The following UBE2E2 variants were observed in gnomAD, a reference collection of about 807,000 sequenced individuals.
The protein encoded by UBE2E2 is ubiquitin-conjugating enzyme E2 E2.
Under a neutral mutation model 24.7 loss-of-function variants are expected in UBE2E2, and 6 were observed. The observed-to-expected ratio is 0.24, with a 90% CI of 0.13 to 0.48. The LOEUF (loss-of-function observed/expected upper bound fraction) is 0.48. Ranked by LOEUF, UBE2E2 falls within the 20% of genes least tolerant of loss-of-function variation. The pLI is 0.99. For synonymous variants in UBE2E2, 104 were observed against 83.6 expected, an observed-to-expected ratio of 1.24 and a Z score of -1.33; for missense variants, 169 against 245.0, an observed-to-expected ratio of 0.69 and a Z score of 2.07.
chr3:23,238,317 G>C (rs11129112), intron 3 of UBE2E2, among the ~76,000 whole-genome samples: 10 of 152,032 alleles, frequency 6.6e-5, no homozygotes, highest in Middle Eastern at 3.4e-3. Flanking sequence ...AATTGAGCAA[G>C]TACCATTCCT....
At chr3:23,413,057 G>T (rs1248460792) in intron 3 of UBE2E2, among the ~76,000 whole-genome samples, 1 of 134,890 alleles carries the variant, frequency 7.4e-6, no homozygotes, top group South Asian at 2.7e-4. Flanking sequence ...GGGGTGGGGG[G>T]AGGGGGGAGG....
chr3:23,582,922 C>T (rs969720207), intron 5 of UBE2E2, among the ~76,000 whole-genome samples: 5 of 148,890 alleles, frequency 3.4e-5, no homozygotes, highest in Non-Finnish European at 7.4e-5. Flanking sequence ...TGCAGACTCT[C>T]TTTCATTTAA....
intron 3 of UBE2E2, among the ~76,000 whole-genome samples, chr3:23,375,454 G>T (rs1277647535): frequency 6.6e-6 from 1 of 152,140 alleles, no homozygotes; most frequent in East Asian, 1.9e-4. Context: ...AAAACACTTA[G>T]TCCTCATCCT....
At chr3:23,283,006 T>C (rs1698523397) in intron 3 of UBE2E2, among the ~76,000 whole-genome samples, 1 of 152,086 alleles carries the variant, frequency 6.6e-6, no homozygotes, top group Non-Finnish European at 1.5e-5. Flanking sequence ...TAATGATAAC[T>C]TTAGGAAATT....
At chr3:23,263,127 T>C (rs1366629492) in intron 3 of UBE2E2, among the ~76,000 whole-genome samples, 1 of 152,122 alleles carries the variant, frequency 6.6e-6, no homozygotes, top group African/African-American at 2.4e-5. Context: ...GAGCATGAGG[T>C]GATACAGCAA....
At chr3:23,445,246 T>C (rs898316340) in intron 3 of UBE2E2, among the ~76,000 whole-genome samples, 11 of 152,234 alleles carry the variant, frequency 7.2e-5, no homozygotes, top group African/African-American at 2.4e-4. Context: ...TTCACCTCAT[T>C]GTTGATATTA....
intron 3 of UBE2E2, among the ~76,000 whole-genome samples, chr3:23,273,426 G>A (rs896960355): frequency 1.5e-4 from 23 of 152,026 alleles, no homozygotes; most frequent in African/African-American, 5.3e-4. Context: ...AGCTACTTGG[G>A]AGGCTGAGGC....
intron 4 of UBE2E2, among the ~76,000 whole-genome samples, chr3:23,526,082 TA>T (rs1183857520): frequency 1.3e-5 from 2 of 152,218 alleles, no homozygotes; most frequent in African/African-American, 4.8e-5. Flanking sequence ...AGCGAGTTTT[TA>T]CCTTGATTGT....
intron 3 of UBE2E2, among the ~76,000 whole-genome samples, chr3:23,398,321 AAAC>A (rs1330611546): frequency 1.3e-5 from 2 of 151,568 alleles, no homozygotes; most frequent in East Asian, 3.9e-4. Context: ...TCAAAAAAAA[AAAC>A]AAAAAAAAAC....
At chr3:23,584,377 C>A (rs1485966301) in intron 5 of UBE2E2, among the ~76,000 whole-genome samples, 1 of 151,976 alleles carries the variant, frequency 6.6e-6, no homozygotes, top group South Asian at 2.1e-4. Flanking sequence ...TGTTCCCTGT[C>A]TCTGTCCTCC....
At chr3:23,377,580 A>T (rs920318846) in intron 3 of UBE2E2, among the ~76,000 whole-genome samples, 3 of 152,194 alleles carry the variant, frequency 2.0e-5, no homozygotes, top group African/African-American at 7.2e-5. Context: ...CATTATACCA[A>T]ATATTGGGAG....
intron 1 of UBE2E2, among the ~76,000 whole-genome samples, chr3:23,205,140 C>T (rs987286074): frequency 3.9e-5 from 6 of 152,014 alleles, no homozygotes; most frequent in African/African-American, 7.2e-5. Flanking sequence ...ATATGTAAGC[C>T]TCTTAATATA....
intron 5 of UBE2E2, among the ~76,000 whole-genome samples, chr3:23,588,404 T>C (rs1696676223): frequency 1.0e-5 from 1 of 98,088 alleles, no homozygotes; most frequent in Non-Finnish European, 1.9e-5. Flanking sequence ...GTTTTTTTGT[T>C]TTTTTGTTTT....
At chr3:23,424,278 A>AGACTT (rs926317513) in intron 3 of UBE2E2, among the ~76,000 whole-genome samples, 3 of 152,186 alleles carry the variant, frequency 2.0e-5, no homozygotes, top group Non-Finnish European at 4.4e-5. Context: ...AATACAGCAG[A>AGACTT]GACTTGCAGT....
At chr3:23,362,554 G>C (rs1696146816) in intron 3 of UBE2E2, among the ~76,000 whole-genome samples, 1 of 152,158 alleles carries the variant, frequency 6.6e-6, no homozygotes, top group South Asian at 2.1e-4. Context: ...TCCTGCTTCT[G>C]TCTGAACTCG....
chr3:23,523,149 A>G (rs555096001), intron 4 of UBE2E2, among the ~76,000 whole-genome samples: 3 of 152,256 alleles, frequency 2.0e-5, no homozygotes, highest in Non-Finnish European at 2.9e-5. Flanking sequence ...TGTTCCAGAA[A>G]CATTCTATAT....
intron 3 of UBE2E2, among the ~76,000 whole-genome samples, chr3:23,312,598 TA>T (rs1049736960): frequency 2.0e-5 from 3 of 152,168 alleles, no homozygotes; most frequent in African/African-American, 7.2e-5. Flanking sequence ...GTTGATTTTT[TA>T]TATTGTTTCT....
intron 1 of UBE2E2, among the ~76,000 whole-genome samples, chr3:23,205,829 C>T (rs1278142490): frequency 6.6e-6 from 1 of 152,066 alleles, no homozygotes; most frequent in Non-Finnish European, 1.5e-5. Flanking sequence ...TAATATTCGG[C>T]AGTAGAAATT....
intron 5 of UBE2E2, among the ~76,000 whole-genome samples, chr3:23,577,249 A>C (rs933122799): frequency 2.6e-5 from 4 of 152,052 alleles, no homozygotes; most frequent in Non-Finnish European, 5.9e-5. Context: ...CTCTTGTGTC[A>C]AGCATTAGCC....
Sources: allele counts gnomAD v4.1 joint callset (sites outside exome capture counted in the v4.1 genomes callset), GRCh38; gene constraint gnomAD v4.1.1; transcripts MANE v1.5; gene names NCBI Gene and HGNC (gene_info 2026-07-23, HGNC 2026-07-21).